Variants in RYR1 observed in about 807,000 individuals in gnomAD.
The protein encoded by RYR1 is central core disease of muscle.
Under a neutral mutation model 583.5 loss-of-function variants are expected in RYR1, and 342 were observed. That is an observed-to-expected ratio of 0.59 (90% CI 0.54 to 0.64). RYR1 has a LOEUF of 0.64. RYR1 is among the 30% of genes least tolerant of loss of function. The probability of loss-of-function intolerance (pLI) is 0.00; values close to 1 mark genes in which losing one functional copy is unlikely to be tolerated. For synonymous variants in RYR1, 2,791 were observed against 2,822.5 expected, an observed-to-expected ratio of 0.99 and a Z score of 0.35; for missense variants, 6,032 against 6,917.2, an observed-to-expected ratio of 0.87 and a Z score of 4.54.
chr19:38,535,070 CTGT>C, intron 79 of RYR1, 68 bp from the exon 80 acceptor site: 2 of 1,484,018 alleles, frequency 1.3e-6, no homozygotes, highest in Non-Finnish European at 1.9e-6. Flanking sequence ...CTTGGGATGG[CTGT>C]TTTCTGGTGG....
chr19:38,581,254 T>C (rs1974193922), intron 101 of RYR1, among the ~76,000 whole-genome samples: 1 of 152,134 alleles, frequency 6.6e-6, no homozygotes, highest in Non-Finnish European at 1.5e-5. Flanking sequence ...ATTTTTTGTA[T>C]TTTTAGTAGA....
At chr19:38,465,019 AG>A (rs1183187777) in intron 23 of RYR1, among the ~76,000 whole-genome samples, 1 of 152,110 alleles carries the variant, frequency 6.6e-6, no homozygotes, top group Admixed American at 6.6e-5. Context: ...GTAAGGGGTA[AG>A]GGGCCAATGG....
rs760029710 is a variant in RYR1, at chr19:38,525,329, C to T, written c.10456-3C>T. 3.1e-6 allele frequency: 5 copies of T among 1,613,812 alleles called. No homozygotes were observed. The highest frequency in any genetic ancestry group is 1.1e-5 in the South Asian group (1 of 91,086). On this transcript the variant is annotated splice_region_variant and splice_polypyrimidine_tract_variant and intron_variant, in intron 70 of 105. Transcript: ENST00000359596. ...GCTGGTGCTGAGCCCTGTGTCCCCA[C>T]AGTCCGGTGGCTCGGACCAGGAACG...
chr19:38,487,757 C>T (rs1230190686), intron 34 of RYR1, among the ~76,000 whole-genome samples: 1 of 152,204 alleles, frequency 6.6e-6, no homozygotes, highest in Non-Finnish European at 1.5e-5. Flanking sequence ...CCTCAGCCTC[C>T]TGAATAGCTG....
intron 68 of RYR1, 29 bp downstream of exon 68, chr19:38,523,144 A>G: frequency 1.9e-6 from 3 of 1,613,558 alleles, no homozygotes; most frequent in Admixed American, 1.7e-5. Context: ...CGCCCTCCCC[A>G]CAACCAGAGG....
In RYR1 at chr19:38,499,543, G is replaced by A; in HGVS notation, c.7028-92G>A. The A allele has an allele frequency of 7.0e-7, 1 of 1,432,350 alleles. No individual in the cohort carries two copies. The highest frequency in any genetic ancestry group is 2.4e-5 in the East Asian group (1 of 42,134). The allele number at this position is 1,432,350 out of a possible 1,614,324, so 88.7% of individuals were successfully genotyped here. A position where few individuals can be genotyped will look rare whatever the true frequency, so the allele number is the denominator to read the frequency against. On this transcript the variant is annotated intron_variant, in intron 43 of 105. Coordinates refer to ENST00000359596, the MANE Select transcript of RYR1 (RefSeq NM_000540.3). The surrounding 1 kb of genome is among the most constrained non-coding windows in gnomAD (Gnocchi z 7.3). ...TGGGTCCTGGAGCTGGATGGGACCT[G>A]TGTTACCCCTGGAGGTGTTGGGTCC...
chr19:38,458,390 C>A (rs987967070), intron 18 of RYR1, 98 bp downstream of exon 18: 5 of 1,283,136 alleles, frequency 3.9e-6, no homozygotes, highest in Non-Finnish European at 4.5e-6. Flanking sequence ...GATCCTGACT[C>A]CCTGAAAAGG....
intron 11 of RYR1, among the ~76,000 whole-genome samples, chr19:38,450,535 C>G (rs909412489): frequency 2.0e-5 from 3 of 151,832 alleles, no homozygotes; most frequent in Non-Finnish European, 4.4e-5. Flanking sequence ...GAGAAGGGTC[C>G]CAGAAAAATG....
intron 39 of RYR1, 25 bp downstream of exon 39, chr19:38,494,650 C>A (rs754552700): frequency 6.2e-7 from 1 of 1,613,662 alleles, no homozygotes; most frequent in Admixed American, 1.7e-5. Flanking sequence ...TTCCCCCTTA[C>A]TTTGCATATC....
At chr19:38,505,983 T>A (rs2960343) in intron 54 of RYR1, 37 bp downstream of exon 54, 10 of 1,574,928 alleles carry the variant, frequency 6.3e-6, no homozygotes, top group African/African-American at 4.1e-5. Context: ...AGGGGCACGA[T>A]GGGGGGAGGG....
At chr19:38,472,124 G>T (rs547963068) in intron 27 of RYR1, among the ~76,000 whole-genome samples, 1 of 151,788 alleles carries the variant, frequency 6.6e-6, no homozygotes, top group Non-Finnish European at 1.5e-5. Flanking sequence ...TTTGAGACTG[G>T]GTCTCACTCT....
At chr19:38,506,705 T>G in intron 56 of RYR1, 124 bp from the exon 57 acceptor site, 10 of 1,517,004 alleles carry the variant, frequency 6.6e-6, no homozygotes, top group Non-Finnish European at 9.0e-6. Context: ...CAGCAAGCAA[T>G]GTTTCCGTTA....
At chr19:38,495,522 T>A (rs1456065198) in intron 39 of RYR1, among the ~76,000 whole-genome samples, 1 of 151,890 alleles carries the variant, frequency 6.6e-6, no homozygotes, top group Non-Finnish European at 1.5e-5. Flanking sequence ...ATTTGTAAAT[T>A]TTTTTGTAGA....
intron 63 of RYR1, among the ~76,000 whole-genome samples, chr19:38,514,339 G>A (rs1340346150): frequency 6.8e-6 from 1 of 148,104 alleles, no homozygotes; most frequent in East Asian, 2.0e-4. Flanking sequence ...GGAGTGCAGT[G>A]GCGCAATCTC....
intron 39 of RYR1, among the ~76,000 whole-genome samples, 174 bp downstream of exon 39, chr19:38,494,799 G>A (rs1969733229): frequency 6.6e-6 from 1 of 150,966 alleles, no homozygotes; most frequent in East Asian, 1.9e-4. Context: ...TCCGCCCTCA[G>A]TGGTAGCAGC....
chr19:38,547,871 G>A (rs936411652), intron 88 of RYR1, among the ~76,000 whole-genome samples: 18 of 151,930 alleles, frequency 1.2e-4, no homozygotes, highest in Non-Finnish European at 1.8e-4. Context: ...ATGCCACCAC[G>A]CCCAGCTGAT....
At chr19:38,537,811 T>C in intron 83 of RYR1, 69 bp from the exon 84 acceptor site, 2 of 1,392,078 alleles carry the variant, frequency 1.4e-6, no homozygotes, top group Admixed American at 3.3e-5. Context: ...GCATGGGCCT[T>C]GTGCATGTGT....
chr19:38,485,245 G>C (rs1160291827), intron 33 of RYR1, among the ~76,000 whole-genome samples: 1 of 152,056 alleles, frequency 6.6e-6, no homozygotes, highest in Admixed American at 6.6e-5. Flanking sequence ...GACCCCAGAG[G>C]TATCCCAGGG....
chr19:38,451,233 G>C (rs1406304088), intron 11 of RYR1, among the ~76,000 whole-genome samples: 1 of 152,242 alleles, frequency 6.6e-6, no homozygotes, highest in Non-Finnish European at 1.5e-5. Context: ...CCAAAGTGGG[G>C]ACACGTGAGC....
Sources: gnomAD v4.1 joint callset for allele counts (sites outside exome capture counted in the v4.1 genomes callset) on GRCh38, gnomAD v4.1.1 for gene constraint, Gnocchi (gnomAD v3.1) non-coding constraint, MANE v1.5 for transcripts, NCBI Gene and HGNC (gene_info 2026-07-23, HGNC 2026-07-21) for gene names.